GRM7: variants seen among roughly 807,000 people sequenced by gnomAD.
The protein encoded by GRM7 is metabotropic glutamate receptor 7.
Under a neutral mutation model 84.5 loss-of-function variants are expected in GRM7, and 35 were observed. The observed-to-expected ratio is 0.41, with a 90% CI of 0.32 to 0.55. The LOEUF is 0.55. Ranked by LOEUF, GRM7 falls within the 20% of genes least tolerant of loss-of-function variation. The pLI, the probability that GRM7 is intolerant of heterozygous loss-of-function variation, is 0.19. For synonymous variants in GRM7, 487 were observed against 455.1 expected, an observed-to-expected ratio of 1.07 and a Z score of -0.89; for missense variants, 1,003 against 1,194.6, an observed-to-expected ratio of 0.84 and a Z score of 2.36.
chr3:7,241,539 G>T lies in GRM7; in HGVS notation c.737-57145G>T, dbSNP rs987150197. ...GGAAAAGTCTAATTTAAACAAAGATGATTTACTTTTGTATTACATAAAATC... is the reference window on the plus strand; with the variant it reads ...GGAAAAGTCTAATTTAAACAAAGATTATTTACTTTTGTATTACATAAAATC... On this transcript the variant is annotated intron_variant, in intron 2 of 9. Transcript: ENST00000357716. Among the ~76,000 whole-genome samples the T allele has an allele frequency of 2.0e-5, 3 of 152,020 alleles. 1 individual carries two copies. Among genetic ancestry groups the T allele is most frequent in the South Asian group, 4.1e-4 (2 of 4,820 alleles).
At chr3:7,187,033 G>T (rs2125102199) in intron 2 of GRM7, among the ~76,000 whole-genome samples, 1 of 152,240 alleles carries the variant, frequency 6.6e-6, no homozygotes, top group Admixed American at 6.5e-5. Context: ...AGAGGTTGCA[G>T]TGAGCTCTTT....
chr3:7,469,265 G>A (rs1265526581), intron 7 of GRM7, among the ~76,000 whole-genome samples: 1 of 152,170 alleles, frequency 6.6e-6, no homozygotes, highest in South Asian at 2.1e-4. Context: ...TTGAGAACTT[G>A]GTTTACCAAA....
Position 7,256,601 on chromosome 3 carries a change from C to A in GRM7, c.737-42083C>A, listed in dbSNP as rs570676346. ...GCTATTTTATCTGTGAAACTATAGA[C>A]TTCCTAGCTACCTATGCACACACAC... On this transcript the variant is annotated intron_variant, in intron 2 of 9. Transcript: ENST00000357716. Among the ~76,000 whole-genome samples, 34 of 152,084 alleles carry A rather than the reference C, an allele frequency of 2.2e-4. No homozygotes were observed. In the South Asian group the frequency reaches 6.8e-3, roughly 31 times the overall value.
intron 9 of GRM7, among the ~76,000 whole-genome samples, chr3:7,717,307 G>A (rs927680320): frequency 6.6e-6 from 1 of 152,114 alleles, no homozygotes; most frequent in Middle Eastern, 3.4e-3. Flanking sequence ...TTATTTTCCA[G>A]TAGACAGAAC....
intron 1 of GRM7, among the ~76,000 whole-genome samples, chr3:7,118,154 G>A (rs1035533793): frequency 6.6e-6 from 1 of 152,110 alleles, no homozygotes; most frequent in African/African-American, 2.4e-5. Context: ...GGGAGGGCAA[G>A]GTGGGAGGAT....
chr3:6,876,783 A>G (rs1224768687), intron 1 of GRM7, among the ~76,000 whole-genome samples: 2 of 151,678 alleles, frequency 1.3e-5, no homozygotes, highest in African/African-American at 2.4e-5. Flanking sequence ...TGTATTTTTA[A>G]TAGAGACGGG....
At chr3:7,096,054 A>C (rs1399787934) in intron 1 of GRM7, among the ~76,000 whole-genome samples, 1 of 152,128 alleles carries the variant, frequency 6.6e-6, no homozygotes, top group Non-Finnish European at 1.5e-5. Flanking sequence ...TATGTGAATC[A>C]ATTGTTTTAT....
At chr3:7,300,119 G>A (rs1382513199) in intron 3 of GRM7, among the ~76,000 whole-genome samples, 3 of 152,066 alleles carry the variant, frequency 2.0e-5, no homozygotes, top group African/African-American at 7.2e-5. Context: ...TTCCATTGAT[G>A]TGAAAGAGCT....
At chr3:7,690,140 A>G (rs905919849) in intron 9 of GRM7, among the ~76,000 whole-genome samples, 15 of 152,164 alleles carry the variant, frequency 9.9e-5, no homozygotes, top group Admixed American at 2.6e-4. Context: ...GGTACTAGAA[A>G]GCAGTTACGT....
intron 4 of GRM7, among the ~76,000 whole-genome samples, chr3:7,404,982 T>C (rs1000558695): frequency 6.6e-6 from 1 of 152,158 alleles, no homozygotes; most frequent in Non-Finnish European, 1.5e-5. Flanking sequence ...GTGTTTTTCT[T>C]TGGTGTCTTC....
intron 7 of GRM7, among the ~76,000 whole-genome samples, chr3:7,521,859 A>C (rs750083104): frequency 6.6e-6 from 1 of 152,144 alleles, no homozygotes; most frequent in Admixed American, 6.5e-5. Context: ...TCTGCATGCA[A>C]AATCATTTAT....
chr3:7,343,133 G>T (rs1033371533), intron 4 of GRM7, among the ~76,000 whole-genome samples: 1 of 152,130 alleles, frequency 6.6e-6, no homozygotes, highest in Non-Finnish European at 1.5e-5. Flanking sequence ...ACACCCAGAC[G>T]TAGAATAACA....
At chr3:6,991,725 C>G (rs528696200) in intron 1 of GRM7, among the ~76,000 whole-genome samples, 4 of 152,134 alleles carry the variant, frequency 2.6e-5, no homozygotes, top group Non-Finnish European at 1.5e-5. Flanking sequence ...TTACCACAAC[C>G]AAACTAATTA....
At chr3:6,902,802 A>G (rs904378377) in intron 1 of GRM7, among the ~76,000 whole-genome samples, 14 of 151,766 alleles carry the variant, frequency 9.2e-5, no homozygotes, top group African/African-American at 3.1e-4. Context: ...AGTAAGGTAT[A>G]GTATGTACCC....
chr3:6,959,988 C>A (rs1224848806), intron 1 of GRM7, among the ~76,000 whole-genome samples: 2 of 152,120 alleles, frequency 1.3e-5, no homozygotes, highest in Non-Finnish European at 2.9e-5. Flanking sequence ...TGGAGGAGGT[C>A]AGACTAATAG....
rs982903086 is a variant in GRM7, at chr3:6,863,089, T to G, written c.519+1182T>G. ...CCTCCTCTGTGTCTTTCCCTATATG[T>G]GCATCACTCTCTCTTTCTGTCTCTG... On this transcript the variant is annotated intron_variant, in intron 1 of 9. Transcript: ENST00000357716. The surrounding 1 kb of genome is among the most constrained non-coding windows in gnomAD (Gnocchi z 4.8). 1.3e-4 allele frequency: 52 copies of G among 413,892 alleles called. No homozygotes were observed. The highest frequency in any genetic ancestry group is 2.9e-5 in the Non-Finnish European group (6 of 210,172). 25.6% of individuals were successfully genotyped at this position (413,892 alleles called of 1,614,324 possible). A position where few individuals can be genotyped will look rare whatever the true frequency, so the allele number is the denominator to read the frequency against.
intron 8 of GRM7, among the ~76,000 whole-genome samples, chr3:7,635,236 C>T (rs1286647741): frequency 1.3e-5 from 2 of 152,186 alleles, no homozygotes; most frequent in African/African-American, 4.8e-5. Flanking sequence ...TGAGGAACTT[C>T]GAACTTTAAG....
chr3:7,542,704 C>T (rs1211738522), intron 7 of GRM7, among the ~76,000 whole-genome samples: 3 of 151,978 alleles, frequency 2.0e-5, no homozygotes, highest in Non-Finnish European at 2.9e-5. Flanking sequence ...CATGCCACCA[C>T]GCCAGGCCAA....
intron 1 of GRM7, among the ~76,000 whole-genome samples, chr3:6,978,482 A>G (rs2124825735): frequency 6.6e-6 from 1 of 152,280 alleles, no homozygotes; most frequent in African/African-American, 2.4e-5. Context: ...TTGTTTTAGT[A>G]CTTCCCCCCC....
Sources: allele counts gnomAD v4.1 joint callset (sites outside exome capture counted in the v4.1 genomes callset), GRCh38; gene constraint gnomAD v4.1.1; non-coding constraint Gnocchi (gnomAD v3.1); transcripts MANE v1.5; gene names NCBI Gene and HGNC (gene_info 2026-07-23, HGNC 2026-07-21).